Variants in WDR59 observed in about 807,000 individuals in gnomAD.
The protein encoded by WDR59 is GATOR2 complex protein WDR59.
WDR59 carries 100 observed loss-of-function variants against 131.2 expected under a neutral mutation model. That is an observed-to-expected ratio of 0.76 (90% CI 0.65 to 0.90). The LOEUF (loss-of-function observed/expected upper bound fraction) is 0.90. Among genes scored for constraint, WDR59 ranks in the 40% least tolerant of loss-of-function variants. The pLI, the probability that WDR59 is intolerant of heterozygous loss-of-function variation, is 0.00. For synonymous variants in WDR59, 601 were observed against 466.2 expected, an observed-to-expected ratio of 1.29 and a Z score of -3.72; for missense variants, 1,203 against 1,262.2, an observed-to-expected ratio of 0.95 and a Z score of 0.71.
At chr16:74,967,087 A>T (rs142550502) in intron 1 of WDR59, among the ~76,000 whole-genome samples, 336 of 152,196 alleles carry the variant, frequency 2.2e-3, no homozygotes, top group Middle Eastern at 6.8e-3. Context: ...GACAATCACA[A>T]ATCACAAATG....
intron 1 of WDR59, among the ~76,000 whole-genome samples, chr16:74,983,306 C>T (rs934889365): frequency 1.3e-5 from 2 of 151,964 alleles, no homozygotes; most frequent in Admixed American, 1.3e-4. Flanking sequence ...AACCCCGTCT[C>T]TACAAAAAAT....
chr16:74,873,854 T>G lies in WDR59; in HGVS notation c.*355A>C, dbSNP rs1597612403. The stretch of plus-strand genomic sequence containing the variant: ...CTCTGCACTGGCATCAAGAGAACGC[T>G]GCTCGGTGGTTTAAGGCTAACACCT... On this transcript the variant is annotated 3_prime_UTR_variant, in exon 26 of 26. Transcript: ENST00000262144. 4.5e-6 allele frequency: 1 copy of G among 223,384 alleles called. No homozygotes were observed. The highest frequency in any genetic ancestry group is 1.1e-4 in the East Asian group (1 of 8,784). The allele number at this position is 223,384 out of a possible 1,614,324, so 13.8% of individuals were successfully genotyped here.
At chr16:74,945,467 ACT>A (rs1167349123) in intron 6 of WDR59, among the ~76,000 whole-genome samples, 2 of 151,700 alleles carry the variant, frequency 1.3e-5, no homozygotes, top group African/African-American at 4.8e-5. Flanking sequence ...ACAGAGCGAG[ACT>A]CTGTCTCAAA....
chr16:74,886,281 A>G lies in WDR59; in HGVS notation c.2535T>C (p.Asp845=), dbSNP rs749447783. 5.2e-5 allele frequency: 84 copies of G among 1,607,402 alleles called. No homozygotes were observed. ...GGGAGGGTGGTTACCTTTTATTTTT[A>G]TCATGCTGGTCGCGTTCTCGCTCAC... The part of the protein sequence containing the change: ...DPRERERDQH[D]KNKRLLDPAN... The change falls in exon 24 of 26, where the codon GAT becomes GAC. Residue 845 remains aspartate (D), a synonymous_variant. Transcript: ENST00000262144.
chr16:74,941,897 C>T (rs1474294152), intron 7 of WDR59, among the ~76,000 whole-genome samples: 2 of 152,090 alleles, frequency 1.3e-5, no homozygotes, highest in African/African-American at 2.4e-5. Context: ...AGGGAGCAGC[C>T]GGAAGATAAG....
chr16:74,886,327 C>T lies in WDR59; in HGVS notation c.2489G>A (p.Ser830Asn). The change falls in exon 24 of 26, where the codon AGT becomes AAT. Residue 830 changes from serine to asparagine, a missense_variant. Physicochemically the swap from Ser to Asn is conservative, Grantham distance 46. Transcript: ENST00000262144. ...CTCACGGGGATCACTGTAGGTCAGA[C>T]TCCCAAAGCGGAGCTCTTCTGGTGA... Reference protein sequence around the residue: ...ESSPEELRFGSLTYSDPRERE... With the variant: ...ESSPEELRFGNLTYSDPRERE... 1.2e-6 allele frequency: 2 copies of T among 1,614,020 alleles called. No individual in the cohort carries two copies. Among genetic ancestry groups the T allele is most frequent in the South Asian group, 1.1e-5 (1 of 91,080 alleles).
intron 8 of WDR59, among the ~76,000 whole-genome samples, chr16:74,933,258 G>GC (rs939807016): frequency 6.6e-6 from 1 of 152,118 alleles, no homozygotes; most frequent in Non-Finnish European, 1.5e-5. Flanking sequence ...CTGTGATCAT[G>GC]CCACTTGGAG....
chr16:74,904,969 C>T (rs1597679165), intron 17 of WDR59, among the ~76,000 whole-genome samples: 1 of 152,138 alleles, frequency 6.6e-6, no homozygotes, highest in Non-Finnish European at 1.5e-5. Context: ...GAACTTTGAC[C>T]CCTTAACTCA....
rs1964759116 is a variant in WDR59, at chr16:74,886,262, G to T, written c.2546+8C>A. The T allele has an allele frequency of 6.2e-7, 1 of 1,611,636 alleles. No individual in the cohort carries two copies. The highest frequency in any genetic ancestry group is 1.7e-5 in the Admixed American group (1 of 59,944). On this transcript the variant is annotated splice_region_variant and intron_variant, in intron 24 of 25. Transcript: ENST00000262144. ...GGCATTGCAGCTCTCACCTGGGAGG[G>T]TGGTTACCTTTTATTTTTATCATGC... is the stretch of plus-strand genomic sequence containing the variant.
At chr16:74,958,793 T>A (rs553748456) in intron 2 of WDR59, among the ~76,000 whole-genome samples, 13 of 151,762 alleles carry the variant, frequency 8.6e-5, no homozygotes, top group Non-Finnish European at 1.5e-4. Flanking sequence ...CCGGGCACAG[T>A]GGCCCACGCC....
In WDR59 at chr16:74,922,076, TCA is replaced by T; in HGVS notation, c.755_756del (p.Val252AspfsTer18). 1.2e-6 allele frequency: 2 copies of T among 1,614,142 alleles called. No homozygotes were observed. Among genetic ancestry groups the T allele is most frequent in the Non-Finnish European group, 1.7e-6 (2 of 1,180,020 alleles). Reference protein sequence around the residue: ...YTPFSNGLVTVMVPQLRRENS... With the variant: ...YTPFSNGLVTXMVPQLRRENS... ...TTTTCCCTCCGCAGCTGGGGAACCA[TCA>T]CAGTCACCAATCCATTGCTGAAAGG... On this transcript the variant is annotated frameshift_variant, in exon 10 of 26. Transcript: ENST00000262144. LOFTEE classifies it high-confidence loss of function.
intron 11 of WDR59, 101 bp from the exon 12 acceptor site, chr16:74,916,360 T>C: frequency 6.8e-7 from 1 of 1,466,482 alleles, no homozygotes; most frequent in Non-Finnish European, 9.5e-7. Context: ...GGGCAAAGGA[T>C]GGGGATGTGT....
chr16:74,984,698 G>C, intron 1 of WDR59: 1 of 505,514 alleles, frequency 2.0e-6, no homozygotes, highest in Non-Finnish European at 3.6e-6. Flanking sequence ...CTCACGATGC[G>C]CAGTCTCTGC....
intron 25 of WDR59, among the ~76,000 whole-genome samples, chr16:74,884,250 T>C (rs1964649415): frequency 6.6e-6 from 1 of 152,180 alleles, no homozygotes; most frequent in African/African-American, 2.4e-5. Context: ...CATCCTTTCC[T>C]CGTAGGAAGG....
In WDR59 at chr16:74,912,291, C is replaced by T. The variant is rs1291105014; in HGVS notation, c.1296G>A (p.Lys432=). Residue 432 remains lysine (K), a synonymous_variant, in exon 14 of 26, where the codon AAG becomes AAA. Transcript: ENST00000262144. Reference sequence around the variant, plus strand: ...CGTTGTTTGGGTACTGTGCAGGGAACTTCACCAGCATCTTGACACGATGGT... The same window carrying T: ...CGTTGTTTGGGTACTGTGCAGGGAATTTCACCAGCATCTTGACACGATGGT... ...CSNHRVKMLV[K]FPAQYPNNAA... is the part of the protein sequence containing the mutation. The T allele has an allele frequency of 6.2e-7, 1 of 1,614,212 alleles. No individual in the cohort carries two copies. The highest frequency in any genetic ancestry group is 8.5e-7 in the Non-Finnish European group (1 of 1,180,040).
At chr16:74,974,282 C>G (rs2034099412) in intron 1 of WDR59, among the ~76,000 whole-genome samples, 1 of 152,160 alleles carries the variant, frequency 6.6e-6, no homozygotes, top group South Asian at 2.1e-4. Flanking sequence ...GTCACCTAAT[C>G]TTTCTGGGGC....
intron 2 of WDR59, among the ~76,000 whole-genome samples, chr16:74,959,162 G>A (rs915811372): frequency 3.3e-5 from 5 of 152,196 alleles, no homozygotes; most frequent in African/African-American, 1.2e-4. Context: ...CCCCAGACCT[G>A]GGAAGTGGGA....
In WDR59 at chr16:74,985,048, C is replaced by T; in HGVS notation, c.-31G>A. 1 of 1,552,596 alleles carries T rather than the reference C, an allele frequency of 6.4e-7. No homozygotes were observed. The highest frequency in any genetic ancestry group is 8.7e-7 in the Non-Finnish European group (1 of 1,146,828). The stretch of plus-strand genomic sequence containing the variant: ...CCGCCCGGCCGCCGCGGCCCCAGGA[C>T]GGCGCCCTCCCACCCCGCCGTCCCC... On this transcript the variant is annotated 5_prime_UTR_variant, in exon 1 of 26. Transcript: ENST00000262144.
chr16:74,976,618 T>C lies in WDR59; in HGVS notation c.54+8346A>G, dbSNP rs558162439. The stretch of plus-strand genomic sequence containing the variant: ...CACCACACCTGGCTAATTTTCTGTA[T>C]TTTTAGTAGAGACAGGGTTTCACTG... On this transcript the variant is annotated intron_variant, in intron 1 of 25. Coordinates refer to ENST00000262144, the MANE Select transcript of WDR59 (RefSeq NM_030581.4). Among the ~76,000 whole-genome samples the C allele has an allele frequency of 3.0e-3, 459 of 151,204 alleles. 2 individuals are homozygous for C. The highest frequency in any genetic ancestry group is 0.011 in the African/African-American group (437 of 41,388).
Sources: allele counts gnomAD v4.1 joint callset (sites outside exome capture counted in the v4.1 genomes callset), GRCh38; gene constraint gnomAD v4.1.1; transcripts MANE v1.5; gene names NCBI Gene and HGNC (gene_info 2026-07-23, HGNC 2026-07-21).